WDR27: variants seen among roughly 807,000 people sequenced by gnomAD.
WDR27 encodes the protein WD repeat domain 27, also known as WD repeat-containing protein 27.
WDR27 carries 100 observed loss-of-function variants against 114.4 expected under a neutral mutation model. The ratio of observed to expected loss-of-function variants is 0.87; its 90% CI spans 0.74 to 1.03. The LOEUF is 1.03. Among genes scored for constraint, WDR27 ranks in the 50% least tolerant of loss-of-function variants. The pLI is 0.00. For missense variants in WDR27, 1,129 were observed against 1,092.9 expected (o/e 1.03, Z -0.47); for synonymous variants, 449 against 423.1 (o/e 1.06, Z -0.75).
rs115822973 is a variant in WDR27 at position 169,595,378 on chromosome 6, C to T, written c.2424+6841G>A. Among the ~76,000 whole-genome samples, 562 of 152,234 alleles carry T rather than the reference C, an allele frequency of 3.7e-3. 6 individuals carry two copies. Among genetic ancestry groups the T allele is most frequent in the African/African-American group, 0.013 (534 of 41,548 alleles). On this transcript the variant is annotated intron_variant, in intron 23 of 25. Transcript: ENST00000448612. ...AAAAGCTTTATGCAAAACTCTTGGTCCACTCCTCTCTAAGACAATGCATGT... is the reference window on the plus strand; with the variant it reads ...AAAAGCTTTATGCAAAACTCTTGGTTCACTCCTCTCTAAGACAATGCATGT...
At chr6:169,489,162 G>A (rs1024201733) in intron 25 of WDR27, among the ~76,000 whole-genome samples, 1 of 152,068 alleles carries the variant, frequency 6.6e-6, no homozygotes, top group Non-Finnish European at 1.5e-5. Context: ...AGGAGCAGAG[G>A]CAGATGAGAA....
the WDR27 span, among the ~76,000 whole-genome samples, chr6:169,440,184 T>G: frequency 1.3e-5 from 2 of 152,156 alleles, no homozygotes; most frequent in Non-Finnish European, 2.9e-5. Context: ...TGATCTTTTG[T>G]AAAAATTGGG....
At chr6:169,647,601 G>T in intron 16 of WDR27, 172 bp downstream of exon 16, 1 of 709,346 alleles carries the variant, frequency 1.4e-6, no homozygotes, top group Non-Finnish European at 2.5e-6. Flanking sequence ...ACAGTCGAGT[G>T]AAACGCAGTC....
intron 2 of WDR27, among the ~76,000 whole-genome samples, chr6:169,676,332 G>A (rs914290005): frequency 6.6e-6 from 1 of 152,198 alleles, no homozygotes; most frequent in Non-Finnish European, 1.5e-5. Flanking sequence ...AGTCTCATCA[G>A]AGGATTTTAT....
At chr6:169,537,314 T>C (rs1796300397) in intron 25 of WDR27, among the ~76,000 whole-genome samples, 1 of 152,148 alleles carries the variant, frequency 6.6e-6, no homozygotes, top group Non-Finnish European at 1.5e-5. Flanking sequence ...TGTGCTGTGA[T>C]GAACATAGAA....
At chr6:169,485,297 C>T (rs757439612) in intron 25 of WDR27, among the ~76,000 whole-genome samples, 2 of 152,154 alleles carry the variant, frequency 1.3e-5, no homozygotes, top group Middle Eastern at 3.4e-3. Flanking sequence ...ATCCAGCATC[C>T]GTAAGGAACT....
chr6:169,525,554 AAAG>A (rs1794875408), intron 25 of WDR27, among the ~76,000 whole-genome samples: 2 of 151,776 alleles, frequency 1.3e-5, no homozygotes, highest in Non-Finnish European at 2.9e-5. Flanking sequence ...AAAAAAGAAA[AAAG>A]AAAAAAAAAG....
the WDR27 span, among the ~76,000 whole-genome samples, chr6:169,427,583 G>GTC: frequency 6.6e-6 from 1 of 152,140 alleles, no homozygotes; most frequent in African/African-American, 2.4e-5. Flanking sequence ...GGTCTCTGGT[G>GTC]TCTTTCCCAG....
At chr6:169,434,798 T>C in the WDR27 span, among the ~76,000 whole-genome samples, 4 of 152,160 alleles carry the variant, frequency 2.6e-5, no homozygotes, top group South Asian at 2.1e-4. Flanking sequence ...GATGATGCAA[T>C]AGGAAAAAAA....
Position 169,529,521 on chromosome 6 carries a change from A to C in WDR27, c.2645+42898T>G, listed in dbSNP as rs186589368. On this transcript the variant is annotated intron_variant, in intron 25 of 25. Coordinates refer to ENST00000448612, the MANE Select transcript of WDR27 (RefSeq NM_182552.5). Reference sequence around the variant, plus strand: ...ATCTGCATCTTACATTTCCCATAAAATAAATGCATATTCTACAAAGACTCT... The same window carrying C: ...ATCTGCATCTTACATTTCCCATAAACTAAATGCATATTCTACAAAGACTCT... Among the ~76,000 whole-genome samples the C allele has an allele frequency of 1.2e-4, 19 of 152,360 alleles. 1 individual carries two copies. In the East Asian group the frequency reaches 3.7e-3, roughly 29 times the overall value.
At chr6:169,644,788 T>C in intron 16 of WDR27, among the ~76,000 whole-genome samples, 1 of 115,396 alleles carries the variant, frequency 8.7e-6, no homozygotes, top group Non-Finnish European at 1.7e-5. Flanking sequence ...GGCGGGCGGA[T>C]CACGAGGTCA....
At chr6:169,444,443 G>T in the WDR27 span, among the ~76,000 whole-genome samples, 1 of 152,174 alleles carries the variant, frequency 6.6e-6, no homozygotes, top group Admixed American at 6.5e-5. Flanking sequence ...CTGTGAGATG[G>T]GTCTCTTTGG....
chr6:169,453,602 C>T (rs1784239510), downstream of WDR27, among the ~76,000 whole-genome samples: 2 of 152,286 alleles, frequency 1.3e-5, 1 homozygote, highest in South Asian at 4.1e-4. Flanking sequence ...TTGCAGAGAA[C>T]CTAATTTCTA....
At position 169,645,023 on chromosome 6, in the gene WDR27, TAAAAAAAAAAAATAAAAAAAAA is replaced by T. The variant is rs1820217635; in HGVS notation, c.1658-1259_1658-1238del. On this transcript the variant is annotated intron_variant, in intron 16 of 25. Transcript: ENST00000448612. ...GACTCCGTCTCAAAAAAAAAAAAAA[TAAAAAAAAAAAATAAAAAAAAA>T]AAAAAAAAAAAAAGAAAATCCTAGT... 6.4e-5 allele frequency among the ~76,000 whole-genome samples: 3 copies of T among 46,982 alleles called. 1 individual carries two copies. Among genetic ancestry groups the T allele is most frequent in the Admixed American group, 2.9e-4 (1 of 3,496 alleles). 30.8% of individuals were successfully genotyped at this position (46,982 alleles called of 152,430 possible). A position where few individuals can be genotyped will look rare whatever the true frequency, so the allele number is the denominator to read the frequency against.
chr6:169,609,565 C>T (rs543227512), intron 22 of WDR27, among the ~76,000 whole-genome samples: 7 of 152,216 alleles, frequency 4.6e-5, no homozygotes, highest in Non-Finnish European at 1.0e-4. Context: ...GGCTGGGACA[C>T]AGGGCACCAA....
intron 2 of WDR27, among the ~76,000 whole-genome samples, chr6:169,674,370 AG>A (rs1779540355): frequency 6.6e-6 from 1 of 152,262 alleles, no homozygotes; most frequent in Non-Finnish European, 1.5e-5. Context: ...AGTTAAGTAG[AG>A]GCATAGAAGA....
chr6:169,529,670 G>C (rs1404985674), intron 25 of WDR27, among the ~76,000 whole-genome samples: 1 of 152,066 alleles, frequency 6.6e-6, no homozygotes, highest in Non-Finnish European at 1.5e-5. Context: ...ATTTTGGACA[G>C]GCTCATTCAA....
At position 169,651,971 on chromosome 6, in the gene WDR27, G is replaced by A; in HGVS notation, c.1440C>T (p.Phe480=). The stretch of plus-strand genomic sequence containing the variant: ...AACCAGATGACCTAACTTTACTATG[G>A]AAAACCAGGCGTTGGTCCTTCATGA... ...RNVMKDQRLV[F]HSKVRSSGYA... is the part of the protein sequence containing the mutation. The change falls in exon 14 of 26, where the codon TTC becomes TTT. Residue 480 remains phenylalanine (F), a synonymous_variant. Coordinates refer to ENST00000448612, the MANE Select transcript of WDR27 (RefSeq NM_182552.5). The A allele has an allele frequency of 6.2e-7, 1 of 1,613,844 alleles. No homozygotes were observed. The highest frequency in any genetic ancestry group is 1.7e-5 in the Admixed American group (1 of 60,004).
chr6:169,649,275 A>C lies in WDR27; in HGVS notation c.1482T>G (p.His494Gln). 6.4e-7 allele frequency: 1 copy of C among 1,566,708 alleles called. No individual in the cohort carries two copies. The highest frequency in any genetic ancestry group is 8.7e-7 in the Non-Finnish European group (1 of 1,154,560). The stretch of plus-strand genomic sequence containing the variant: ...TGGTCTTTGGTGAAAACATAGTTAC[A>C]CTGTGGAAAGAAAACTCTAATATCA... The part of the protein sequence containing the change: ...VRSSGYASAP[H>Q]VTMFSPKTNI... Residue 494 changes from histidine (H) to glutamine (Q), a missense_variant and splice_region_variant, in exon 15 of 26, where the codon CAT becomes CAG. By Grantham distance (24) the His-to-Gln change is conservative. Coordinates refer to ENST00000448612, the MANE Select transcript of WDR27 (RefSeq NM_182552.5).
Sources: gnomAD v4.1 joint callset for allele counts (sites outside exome capture counted in the v4.1 genomes callset) on GRCh38, gnomAD v4.1.1 for gene constraint, MANE v1.5 for transcripts, NCBI Gene and HGNC (gene_info 2026-07-23, HGNC 2026-07-21) for gene names.